The following ZNF875 variants were observed in gnomAD, a reference collection of about 807,000 sequenced individuals.
ZNF875 encodes the protein HKR1, GLI-Kruppel zinc finger family member.
In ZNF875, 14 loss-of-function variants were observed where a neutral mutation model predicts 11.2. That is an observed-to-expected ratio of 1.26 (90% CI 0.83 to 1.96). The LOEUF (loss-of-function observed/expected upper bound fraction) is 1.96. Among genes scored for constraint, ZNF875 ranks in the 30% most tolerant of loss-of-function variants. The pLI is 0.00. For missense variants in ZNF875, 752 were observed against 760.4 expected (o/e 0.99, Z 0.13); for synonymous variants, 301 against 281.1 (o/e 1.07, Z -0.71).
At chr19:37,344,846 G>C (rs186060791) in intron 2 of ZNF875, 123 of 907,256 alleles carry the variant, frequency 1.4e-4, no homozygotes, top group African/African-American at 1.0e-3. Flanking sequence ...TTTTCAAGGG[G>C]TGTATGTGTG....
At chr19:37,332,840 C>G (rs1323025455), upstream of ZNF875, among the ~76,000 whole-genome samples, 1 of 152,124 alleles carries the variant, frequency 6.6e-6, no homozygotes, top group Non-Finnish European at 1.5e-5. Flanking sequence ...TTTCACATCT[C>G]AAGCCAGTTA....
At chr19:37,346,985 T>G in intron 2 of ZNF875, 4 of 519,980 alleles carry the variant, frequency 7.7e-6, no homozygotes, top group East Asian at 3.9e-5. Flanking sequence ...ACCTGACTAA[T>G]TTTGTATTTT....
intron 1 of ZNF875, among the ~76,000 whole-genome samples, chr19:37,319,180 G>C (rs2030768373): frequency 6.6e-6 from 1 of 151,086 alleles, no homozygotes; most frequent in African/African-American, 2.4e-5. Context: ...ATGAGTAGCT[G>C]GGATTATAGG....
chr19:37,361,962 T>G, intron 4 of ZNF875, 147 bp from the exon 5 acceptor site: 1 of 612,104 alleles, frequency 1.6e-6, no homozygotes, highest in East Asian at 2.8e-5. Flanking sequence ...TGAAGTGAAA[T>G]GAAAAATAGA....
intron 1 of ZNF875, among the ~76,000 whole-genome samples, chr19:37,318,366 T>G (rs2030483070): frequency 6.6e-6 from 1 of 152,180 alleles, no homozygotes; most frequent in East Asian, 1.9e-4. Context: ...AAAAAAAATC[T>G]CACTTTTTGC....
At position 37,334,862 on chromosome 19, in the gene ZNF875, A is replaced by G. The variant is rs1352869933; in HGVS notation, c.-57+80A>G. The G allele has an allele frequency of 8.7e-6, 4 of 460,838 alleles. No individual in the cohort carries two copies. In the East Asian group the frequency reaches 2.6e-4, roughly 30 times the overall value. 28.5% of individuals were successfully genotyped at this position (460,838 alleles called of 1,614,324 possible). Reference sequence around the variant, plus strand: ...GACGCCGGCTGGGAGCCGCAGAGCTATCTCAGAACTAGGGCGCTCTCCTTT... The same window carrying G: ...GACGCCGGCTGGGAGCCGCAGAGCTGTCTCAGAACTAGGGCGCTCTCCTTT... On this transcript the variant is annotated intron_variant, in intron 1 of 4. Transcript: ENST00000392153.
In ZNF875 at chr19:37,364,145, A is replaced by G; in HGVS notation, c.*370A>G. ...CCGGCTAAATCCTCATACTGAATTG[A>G]GAACCTGTCTTCCCATTTGGTGTGC... On this transcript the variant is annotated 3_prime_UTR_variant, in exon 5 of 5. Transcript: ENST00000392153. The G allele has an allele frequency of 4.7e-6, 1 of 214,294 alleles. No individual in the cohort carries two copies. Among genetic ancestry groups the G allele is most frequent in the Non-Finnish European group, 9.3e-6 (1 of 107,436 alleles). The allele number at this position is 214,294 out of a possible 1,614,324, so 13.3% of individuals were successfully genotyped here.
At chr19:37,356,238 A>G (rs1256938166) in intron 4 of ZNF875, among the ~76,000 whole-genome samples, 2 of 152,216 alleles carry the variant, frequency 1.3e-5, no homozygotes, top group African/African-American at 2.4e-5. Flanking sequence ...TGCGATAAGC[A>G]TACGAGTGCA....
chr19:37,360,947 A>G (rs1419775556), intron 4 of ZNF875, among the ~76,000 whole-genome samples: 2 of 151,646 alleles, frequency 1.3e-5, no homozygotes, highest in Non-Finnish European at 2.9e-5. Flanking sequence ...TTTTTTATAT[A>G]TTTATCTTAT....
chr19:37,315,153 G>A (rs1174775918), upstream of ZNF875: 6 of 152,048 alleles, frequency 3.9e-5, no homozygotes, highest in Admixed American at 2.0e-4. Context: ...TTTTGTGACT[G>A]GCTTCTTTCA....
At chr19:37,358,905 A>AT (rs1287684344) in intron 4 of ZNF875, among the ~76,000 whole-genome samples, 16 of 149,398 alleles carry the variant, frequency 1.1e-4, no homozygotes, top group African/African-American at 4.0e-4. Context: ...CAATATATAT[A>AT]TATTTTTTTT....
chr19:37,321,089 G>A (rs749484211), intron 1 of ZNF875, among the ~76,000 whole-genome samples: 4 of 152,128 alleles, frequency 2.6e-5, no homozygotes, highest in Non-Finnish European at 5.9e-5. Context: ...GTGTAAGGCC[G>A]CAGGGATCTC....
chr19:37,349,983 T>A (rs1263134306), intron 4 of ZNF875, among the ~76,000 whole-genome samples: 4 of 108,730 alleles, frequency 3.7e-5, no homozygotes, highest in Non-Finnish European at 5.4e-5. Context: ...TTTTTTTTTT[T>A]AATACAGAGT....
upstream of ZNF875, among the ~76,000 whole-genome samples, chr19:37,330,752 C>T (rs559299094): frequency 6.6e-6 from 1 of 152,206 alleles, no homozygotes; most frequent in East Asian, 1.9e-4. Flanking sequence ...ACTTTTTTGA[C>T]TCATTGGTGA....
chr19:37,335,349 A>G, intron 2 of ZNF875, 92 bp downstream of exon 2: 2 of 624,840 alleles, frequency 3.2e-6, no homozygotes, highest in Non-Finnish European at 5.9e-6. Flanking sequence ...GGTATTGGGC[A>G]AAGTCATTCC....
chr19:37,361,185 A>G (rs2039854347), intron 4 of ZNF875, among the ~76,000 whole-genome samples: 2 of 141,508 alleles, frequency 1.4e-5, no homozygotes, highest in African/African-American at 2.7e-5. Context: ...ATCTCAGCTC[A>G]CTGCAACGTC....
chr19:37,346,833 C>T (rs1308709708), intron 2 of ZNF875: 1 of 269,666 alleles, frequency 3.7e-6, no homozygotes, highest in Admixed American at 5.0e-5. Flanking sequence ...ATCTTTCCTA[C>T]TTCCCTCAGG....
intron 4 of ZNF875, among the ~76,000 whole-genome samples, chr19:37,326,831 C>G (rs1373506594): frequency 2.0e-5 from 3 of 151,780 alleles, no homozygotes; most frequent in Non-Finnish European, 4.4e-5. Context: ...CCATGCCTGG[C>G]TAATTTTTGT....
chr19:37,331,554 T>G (rs1183040116), upstream of ZNF875, among the ~76,000 whole-genome samples: 2 of 149,768 alleles, frequency 1.3e-5, no homozygotes, highest in African/African-American at 2.4e-5. Context: ...ACATGTGCTG[T>G]GTCAACTCAG....
Sources: gnomAD v4.1 joint callset for allele counts (sites outside exome capture counted in the v4.1 genomes callset) on GRCh38, gnomAD v4.1.1 for gene constraint, MANE v1.5 for transcripts, NCBI Gene and HGNC (gene_info 2026-07-23, HGNC 2026-07-21) for gene names.